NYAP2: variants seen among roughly 807,000 people sequenced by gnomAD.
NYAP2 encodes neuronal tyrosine-phosphorylated phosphoinositide-3-kinase adapter 2.
In NYAP2, 23 loss-of-function variants were observed where a neutral mutation model predicts 50.4. The observed-to-expected ratio is 0.46, with a 90% confidence interval of 0.33 to 0.65. The LOEUF (loss-of-function observed/expected upper bound fraction) is 0.65, where lower values mean the gene tolerates loss of function less well. NYAP2 is among the 30% of genes least tolerant of loss of function. The pLI, the probability that NYAP2 is intolerant of heterozygous loss-of-function variation, is 0.02. For missense variants in NYAP2, 885 were observed against 861.0 expected (o/e 1.03, Z -0.35); for synonymous variants, 394 against 365.2 (o/e 1.08, Z -0.90).
rs147920179 is a variant in NYAP2 at position 225,575,452 on chromosome 2, G to T, written c.524-6489G>T. On this transcript the variant is annotated intron_variant, in intron 4 of 6. Coordinates refer to ENST00000636099, the Ensembl canonical transcript of NYAP2. ...TAAAATTTCAACAGAACACTGTGGG[G>T]ATGGCTTACCACTGAGCCAAAATGT... Among the ~76,000 whole-genome samples, 226 of 152,340 alleles carry T rather than the reference G, an allele frequency of 1.5e-3. 2 individuals are homozygous for T. Among genetic ancestry groups the T allele is most frequent in the Non-Finnish European group, 2.9e-3 (196 of 68,024 alleles).
At chr2:225,643,760 A>G (rs1214619869) in intron 6 of NYAP2, among the ~76,000 whole-genome samples, 3 of 151,946 alleles carry the variant, frequency 2.0e-5, no homozygotes, top group East Asian at 1.9e-4. Context: ...ATGTCCCTAC[A>G]AAGGACAAGA....
intron 6 of NYAP2, among the ~76,000 whole-genome samples, chr2:225,646,522 G>T (rs1034980568): frequency 9.9e-5 from 15 of 152,196 alleles, no homozygotes; most frequent in Non-Finnish European, 1.3e-4. Context: ...TTGCACTCCA[G>T]CCTGGGCAAC....
chr2:225,511,596 T>G (rs908565908), intron 3 of NYAP2, among the ~76,000 whole-genome samples: 1 of 152,040 alleles, frequency 6.6e-6, no homozygotes, highest in African/African-American at 2.4e-5. Flanking sequence ...CAGAAAAAAA[T>G]ACATATAAAA....
At chr2:225,501,798 C>G (rs146645174) in intron 3 of NYAP2, among the ~76,000 whole-genome samples, 20 of 152,344 alleles carry the variant, frequency 1.3e-4, no homozygotes, top group African/African-American at 4.3e-4. Context: ...CTCTCTTCCA[C>G]TATCTCTACC....
chr2:225,653,530 A>C (rs1019846573), exon 7 of NYAP2: 24 of 152,378 alleles, frequency 1.6e-4, no homozygotes, highest in African/African-American at 5.8e-4. Context: ...CTGCTGATAG[A>C]GATTCTGACA....
intron 6 of NYAP2, among the ~76,000 whole-genome samples, chr2:225,641,541 G>A (rs1409598503): frequency 2.6e-5 from 4 of 151,502 alleles, no homozygotes; most frequent in Admixed American, 6.6e-5. Flanking sequence ...TAGGCCAGGT[G>A]CGGTGGCTCA....
At chr2:225,604,572 A>C (rs1243063896) in intron 5 of NYAP2, among the ~76,000 whole-genome samples, 1 of 152,160 alleles carries the variant, frequency 6.6e-6, no homozygotes, top group Non-Finnish European at 1.5e-5. Context: ...ATCAATATTT[A>C]AATATATTTC....
chr2:225,436,881 T>C (rs1364518491), intron 3 of NYAP2, among the ~76,000 whole-genome samples: 1 of 152,016 alleles, frequency 6.6e-6, no homozygotes, highest in Non-Finnish European at 1.5e-5. Flanking sequence ...AAGACTCTGC[T>C]CTGAACTTCT....
intron 3 of NYAP2, among the ~76,000 whole-genome samples, chr2:225,426,479 G>A (rs1168492109): frequency 6.6e-6 from 1 of 152,172 alleles, no homozygotes; most frequent in Non-Finnish European, 1.5e-5. Flanking sequence ...ACTGCACTTG[G>A]AACAGGGGAC....
chr2:225,496,257 T>A (rs1690502904), intron 3 of NYAP2, among the ~76,000 whole-genome samples: 1 of 152,066 alleles, frequency 6.6e-6, no homozygotes, highest in East Asian at 1.9e-4. Context: ...GTGAGGTTAC[T>A]GGTAATCAAA....
rs1692321973 is a variant in NYAP2 at position 225,582,905 on chromosome 2, G to A, written c.1488G>A (p.Gly496=). 2 of 1,613,256 alleles carry A rather than the reference G, an allele frequency of 1.2e-6. No homozygotes were observed. Among genetic ancestry groups the A allele is most frequent in the Non-Finnish European group, 1.7e-6 (2 of 1,179,864 alleles). ...TCAACGCCGCGGTGAACACCTACGGGGCAGCCCCGGGTGGCTCCCGGTCCC... is the reference window on the plus strand; with the variant it reads ...TCAACGCCGCGGTGAACACCTACGGAGCAGCCCCGGGTGGCTCCCGGTCCC... The change falls in exon 5 of 7, where the codon GGG becomes GGA. Residue 496 remains glycine (G), a synonymous_variant. Coordinates refer to ENST00000636099, the Ensembl canonical transcript of NYAP2. This position sits in a 1 kb window ranked among gnomAD's most constrained non-coding sequence, Gnocchi z 7.0.
chr2:225,539,676 CT>C (rs986051105), intron 4 of NYAP2, among the ~76,000 whole-genome samples: 2 of 151,792 alleles, frequency 1.3e-5, no homozygotes, highest in Non-Finnish European at 2.9e-5. Context: ...CCTTTGACCA[CT>C]TTTTGTTGGG....
chr2:225,576,363 A>G (rs1159293843), intron 4 of NYAP2, among the ~76,000 whole-genome samples: 5 of 152,308 alleles, frequency 3.3e-5, no homozygotes, highest in Admixed American at 6.5e-5. Flanking sequence ...TCTTATTCCT[A>G]CTATAAACAG....
chr2:225,522,420 A>C (rs557377209), intron 4 of NYAP2, among the ~76,000 whole-genome samples: 15 of 152,110 alleles, frequency 9.9e-5, no homozygotes, highest in Admixed American at 2.6e-4. Context: ...TGGAAGCAAA[A>C]ATTGGGATAC....
At chr2:225,469,607 C>T (rs1360961386) in intron 3 of NYAP2, among the ~76,000 whole-genome samples, 2 of 152,160 alleles carry the variant, frequency 1.3e-5, no homozygotes, top group Non-Finnish European at 2.9e-5. Flanking sequence ...ACCCAAATGT[C>T]CATCAATGAT....
chr2:225,577,312 A>G (rs775271395), intron 4 of NYAP2, among the ~76,000 whole-genome samples: 8 of 152,186 alleles, frequency 5.3e-5, no homozygotes, highest in Non-Finnish European at 1.2e-4. Flanking sequence ...AGTGATAAAA[A>G]TCACCTTTTT....
intron 5 of NYAP2, among the ~76,000 whole-genome samples, chr2:225,592,881 G>C (rs1372709131): frequency 1.3e-5 from 2 of 152,050 alleles, no homozygotes; most frequent in African/African-American, 4.8e-5. Flanking sequence ...CCATTAAGAA[G>C]AACCCTACCT....
At chr2:225,576,708 G>T (rs1003049378) in intron 4 of NYAP2, among the ~76,000 whole-genome samples, 3 of 152,184 alleles carry the variant, frequency 2.0e-5, no homozygotes, top group Non-Finnish European at 4.4e-5. Flanking sequence ...TGTTTAAAAG[G>T]ATACTTTATG....
intron 4 of NYAP2, among the ~76,000 whole-genome samples, chr2:225,539,070 C>T (rs1691409796): frequency 6.6e-6 from 1 of 151,928 alleles, no homozygotes; most frequent in Middle Eastern, 3.2e-3. Flanking sequence ...TGTTCAATTC[C>T]CACTTATGAG....
Sources: allele counts gnomAD v4.1 joint callset (sites outside exome capture counted in the v4.1 genomes callset), GRCh38; gene constraint gnomAD v4.1.1; non-coding constraint Gnocchi (gnomAD v3.1); transcripts MANE v1.5; gene names NCBI Gene and HGNC (gene_info 2026-07-23, HGNC 2026-07-21).